The following TNKS2 variants were observed in gnomAD, a reference collection of about 807,000 sequenced individuals.
TNKS2 encodes poly [ADP-ribose] polymerase tankyrase-2.
A neutral mutation model predicts 137.6 loss-of-function variants in TNKS2; 72 were observed. The ratio of observed to expected loss-of-function variants is 0.52; its 90% CI spans 0.43 to 0.64. The LOEUF (loss-of-function observed/expected upper bound fraction) is 0.64, where lower values mean the gene tolerates loss of function less well. Among genes scored for constraint, TNKS2 ranks in the 30% least tolerant of loss-of-function variants. TNKS2 has a pLI of 0.00. For synonymous variants in TNKS2, 516 were observed against 512.1 expected (o/e 1.01, Z -0.10); for missense variants, 1,049 against 1,410.2 (o/e 0.74, Z 4.10).
chr10:91,860,603 A>G (rs1176008908), intron 25 of TNKS2, among the ~76,000 whole-genome samples: 1 of 152,186 alleles, frequency 6.6e-6, no homozygotes, highest in African/African-American at 2.4e-5. Flanking sequence ...CCTGTGTCCC[A>G]CCCTCACAGA....
chr10:91,851,138 A>T, intron 20 of TNKS2, 78 bp from the exon 21 acceptor site: 1 of 1,509,382 alleles, frequency 6.6e-7, no homozygotes. Flanking sequence ...TGTGAATCTT[A>T]CATATTATGA....
rs1318776473 is a variant in TNKS2 at position 91,845,743 on chromosome 10, C to T, written c.2170-9C>T. ...TATTTCAGACTGTAACGGGTATTTT[C>T]TTTTACAGCATGTAGATGTAGCAGC... On this transcript the variant is annotated splice_polypyrimidine_tract_variant and intron_variant, in intron 17 of 26. Coordinates refer to ENST00000371627, the MANE Select transcript of TNKS2 (RefSeq NM_025235.4). 2 of 1,497,056 alleles carry T rather than the reference C, an allele frequency of 1.3e-6. No individual in the cohort carries two copies. Among genetic ancestry groups the T allele is most frequent in the African/African-American group, 1.4e-5 (1 of 72,218 alleles). 92.7% of individuals were successfully genotyped at this position (1,497,056 alleles called of 1,614,324 possible). A position where few individuals can be genotyped will look rare whatever the true frequency, so the allele number is the denominator to read the frequency against.
rs182465414 is a variant in TNKS2, at chr10:91,845,601, A to T, written c.2170-151A>T. The T allele has an allele frequency of 3.4e-5, 18 of 527,048 alleles. 1 individual carries two copies. In the Admixed American group the frequency reaches 3.8e-4, roughly 11 times the overall value. 32.6% of individuals were successfully genotyped at this position (527,048 alleles called of 1,614,324 possible). A position where few individuals can be genotyped will look rare whatever the true frequency, so the allele number is the denominator to read the frequency against. ...CACTGTAATTTTTAATCAGCTACTCATAAGTTGTGATGTTGGGGAGAAAGA... is the reference window on the plus strand; with the variant it reads ...CACTGTAATTTTTAATCAGCTACTCTTAAGTTGTGATGTTGGGGAGAAAGA... On this transcript the variant is annotated intron_variant, in intron 17 of 26. Coordinates refer to ENST00000371627, the MANE Select transcript of TNKS2 (RefSeq NM_025235.4).
rs1274472264 is a variant in TNKS2, at chr10:91,841,271, ATT to A, written c.1674-11_1674-10del. 4.6e-6 allele frequency: 7 copies of A among 1,509,962 alleles called. No homozygotes were observed. The highest frequency in any genetic ancestry group is 6.2e-6 in the Non-Finnish European group (7 of 1,131,028). The allele number at this position is 1,509,962 out of a possible 1,614,324, so 93.5% of individuals were successfully genotyped here. On this transcript the variant is annotated splice_polypyrimidine_tract_variant and intron_variant, in intron 14 of 26. Transcript: ENST00000371627. ...TCTTCTGTGGCATTATTGTTCATTT[ATT>A]ACTTTTCAGAGGCCTTGTACCTTTG... is the stretch of plus-strand genomic sequence containing the variant.
At chr10:91,857,093 T>C (rs919505468) in intron 23 of TNKS2, among the ~76,000 whole-genome samples, 2 of 152,196 alleles carry the variant, frequency 1.3e-5, no homozygotes, top group Non-Finnish European at 1.5e-5. Context: ...TCTAGTACTT[T>C]ATACAGAAAA....
intron 21 of TNKS2, 131 bp from the exon 22 acceptor site, chr10:91,854,898 C>CAA (rs374091607): frequency 2.6e-3 from 921 of 353,454 alleles, no homozygotes; most frequent in East Asian, 2.9e-3. Context: ...AACTCTGTCT[C>CAA]AAAAAAAAAA....
At chr10:91,807,838 C>CA (rs1237107357) in intron 1 of TNKS2, among the ~76,000 whole-genome samples, 9 of 151,270 alleles carry the variant, frequency 5.9e-5, no homozygotes, top group South Asian at 2.1e-4. Flanking sequence ...ACTAAAAATA[C>CA]AAAAAAAATT....
At position 91,807,181 on chromosome 10, in the gene TNKS2, A is replaced by G. The variant is rs1488671761; in HGVS notation, c.200-5802A>G. 3.1e-5 allele frequency: 50 copies of G among 1,605,040 alleles called. 1 individual carries two copies. The South Asian group carries it at 4.4e-4, about 14-fold the overall frequency. On this transcript the variant is annotated intron_variant, in intron 1 of 26. Coordinates refer to ENST00000371627, the MANE Select transcript of TNKS2 (RefSeq NM_025235.4). ...ACAAAGTCTTCATTTCAAACCATTCACTCAGTTTCCATGGTAACATTGCGG... is the reference window on the plus strand; with the variant it reads ...ACAAAGTCTTCATTTCAAACCATTCGCTCAGTTTCCATGGTAACATTGCGG...
Position 91,849,584 on chromosome 10 carries a change from A to G in TNKS2, c.2684A>G (p.Glu895Gly), listed in dbSNP as rs781039228. ...CTTGAGCACCTAATGGATATATTTG[A>G]GAGAGAACAGGTGAGTAGATAAATC... ...LGLEHLMDIF[E>G]REQITLDVLV... Residue 895 changes from glutamate to glycine, a missense_variant, in exon 20 of 27, where the codon GAG becomes GGG. Around this residue, in one of 6 missense-constraint regions of TNKS2, gnomAD observed 208 missense variants for 231.2 expected, o/e 0.90. Coordinates refer to ENST00000371627, the MANE Select transcript of TNKS2 (RefSeq NM_025235.4). 2 of 1,609,028 alleles carry G rather than the reference A, an allele frequency of 1.2e-6. No individual in the cohort carries two copies.
intron 2 of TNKS2, 134 bp downstream of exon 2, chr10:91,813,341 A>G: frequency 2.5e-6 from 2 of 815,410 alleles, no homozygotes; most frequent in Non-Finnish European, 3.8e-6. Flanking sequence ...ATTTAATCTA[A>G]CTACTATTTA....
At position 91,813,227 on chromosome 10, in the gene TNKS2, C is replaced by A; in HGVS notation, c.424+20C>A. On this transcript the variant is annotated intron_variant, in intron 2 of 26. Transcript: ENST00000371627. ...GCATTGGTAAGACTGTTTACTTTTC[C>A]GACTTTTACTAATGTTGTAACTATT... 1.9e-6 allele frequency: 3 copies of A among 1,593,412 alleles called. No individual in the cohort carries two copies. Among genetic ancestry groups the A allele is most frequent in the Non-Finnish European group, 2.6e-6 (3 of 1,162,222 alleles).
chr10:91,842,147 T>G, intron 15 of TNKS2, 25 bp from the exon 16 acceptor site: 1 of 1,561,998 alleles, frequency 6.4e-7, no homozygotes, highest in Non-Finnish European at 8.8e-7. Flanking sequence ...ATTTCCCCCT[T>G]TTTTTCTGTT....
At position 91,830,892 on chromosome 10, in the gene TNKS2, C is replaced by G. The variant is rs770834080; in HGVS notation, c.1105-31C>G. ...TTCTTAAAATCAGTTATGTATAGTCCTTGATTAATGCTGCAATTTAAATTA... is the reference window on the plus strand; with the variant it reads ...TTCTTAAAATCAGTTATGTATAGTCGTTGATTAATGCTGCAATTTAAATTA... On this transcript the variant is annotated intron_variant, in intron 9 of 26. Transcript: ENST00000371627. 15 of 1,529,840 alleles carry G rather than the reference C, an allele frequency of 9.8e-6. 1 individual carries two copies. Among genetic ancestry groups the G allele is most frequent in the Middle Eastern group, 2.3e-4 (1 of 4,300 alleles). 94.8% of individuals were successfully genotyped at this position (1,529,840 alleles called of 1,614,324 possible).
intron 1 of TNKS2, among the ~76,000 whole-genome samples, chr10:91,805,756 A>G (rs1844306311): frequency 6.6e-6 from 1 of 152,238 alleles, no homozygotes; most frequent in Non-Finnish European, 1.5e-5. Flanking sequence ...AAATAACTTT[A>G]TAGAGGTAGC....
rs980557800 is a variant in TNKS2 at position 91,798,507 on chromosome 10, G to A, written c.-184G>A. ...CGCCGCGGGGCAGCCGGGGGGCAGGGAGCCCAGCGAGGGGCGCGCGTGGGC... is the reference window on the plus strand; with the variant it reads ...CGCCGCGGGGCAGCCGGGGGGCAGGAAGCCCAGCGAGGGGCGCGCGTGGGC... On this transcript the variant is annotated 5_prime_UTR_variant, in exon 1 of 27. Coordinates refer to ENST00000371627, the MANE Select transcript of TNKS2 (RefSeq NM_025235.4). 1 of 600,854 alleles carries A rather than the reference G, an allele frequency of 1.7e-6. No individual in the cohort carries two copies. The highest frequency in any genetic ancestry group is 2.3e-6 in the Non-Finnish European group (1 of 428,488). 37.2% of individuals were successfully genotyped at this position (600,854 alleles called of 1,614,324 possible).
chr10:91,820,617 G>A (rs1844856097), intron 6 of TNKS2, among the ~76,000 whole-genome samples: 1 of 152,200 alleles, frequency 6.6e-6, no homozygotes, highest in Admixed American at 6.5e-5. Context: ...TTTAGCCTAA[G>A]TAATTCAAAG....
At position 91,836,904 on chromosome 10, in the gene TNKS2, C is replaced by G; in HGVS notation, c.1448-15C>G. On this transcript the variant is annotated splice_polypyrimidine_tract_variant and intron_variant, in intron 12 of 26. Transcript: ENST00000371627. The stretch of plus-strand genomic sequence containing the variant: ...ATAGAGGTTAGTCACTCTTCTCTCT[C>G]TCTCTCTTTTTTAGAGGGTATCTCA... 3 of 1,608,278 alleles carry G rather than the reference C, an allele frequency of 1.9e-6. No individual in the cohort carries two copies. Among genetic ancestry groups the G allele is most frequent in the Non-Finnish European group, 2.5e-6 (3 of 1,177,730 alleles).
At chr10:91,804,664 G>A (rs1402636831) in intron 1 of TNKS2, among the ~76,000 whole-genome samples, 1 of 152,184 alleles carries the variant, frequency 6.6e-6, no homozygotes, top group East Asian at 1.9e-4. Flanking sequence ...CCAGAAATTG[G>A]TGCTTAACAG....
chr10:91,823,636 C>T (rs556262835), intron 7 of TNKS2, among the ~76,000 whole-genome samples: 1 of 152,050 alleles, frequency 6.6e-6, no homozygotes, highest in Non-Finnish European at 1.5e-5. Context: ...TCCAAAACTT[C>T]CCATTTTGAT....
Sources: allele counts gnomAD v4.1 joint callset (sites outside exome capture counted in the v4.1 genomes callset), GRCh38; gene constraint gnomAD v4.1.1; regional missense constraint gnomAD v4.1.1; transcripts MANE v1.5; gene names NCBI Gene and HGNC (gene_info 2026-07-23, HGNC 2026-07-21).